Variants in MYRIP observed in about 807,000 individuals in gnomAD.
MYRIP encodes the protein rab effector MyRIP.
MYRIP carries 49 observed loss-of-function variants against 98.0 expected under a neutral mutation model. The ratio of observed to expected loss-of-function variants is 0.50; its 90% CI spans 0.40 to 0.63. The LOEUF is 0.63. MYRIP is among the 30% of genes least tolerant of loss of function. The pLI is 0.00. For synonymous variants in MYRIP, 404 were observed against 409.5 expected (o/e 0.99, Z 0.16); for missense variants, 1,004 against 1,058.2 (o/e 0.95, Z 0.71).
chr3:40,254,748 T>G (rs1304733992), intron 16 of MYRIP, among the ~76,000 whole-genome samples: 1 of 152,162 alleles, frequency 6.6e-6, no homozygotes, highest in Non-Finnish European at 1.5e-5. Context: ...CCAGATTTAT[T>G]TTCCTTTCAC....
At chr3:40,183,744 A>G (rs974858582) in intron 9 of MYRIP, among the ~76,000 whole-genome samples, 10 of 152,218 alleles carry the variant, frequency 6.6e-5, no homozygotes, top group Admixed American at 1.3e-4. Flanking sequence ...TTCTCATCCC[A>G]TGTCGTATCA....
intron 3 of MYRIP, among the ~76,000 whole-genome samples, chr3:40,136,111 C>T (rs539314041): frequency 9.7e-4 from 147 of 152,196 alleles, no homozygotes; most frequent in African/African-American, 3.4e-3. Context: ...GAGTCAAGAC[C>T]CATCAGTGTG....
intron 1 of MYRIP, among the ~76,000 whole-genome samples, chr3:39,846,609 A>G (rs1941973389): frequency 6.6e-6 from 1 of 152,188 alleles, no homozygotes; most frequent in Non-Finnish European, 1.5e-5. Context: ...CTATATAGCA[A>G]AACAAAAACT....
At chr3:40,256,405 TATA>T (rs959866695) in intron 16 of MYRIP, among the ~76,000 whole-genome samples, 13 of 152,232 alleles carry the variant, frequency 8.5e-5, no homozygotes, top group Admixed American at 6.5e-4. Flanking sequence ...GCGTCAAATT[TATA>T]ATATTAAATA....
intron 11 of MYRIP, among the ~76,000 whole-genome samples, chr3:40,221,607 GGT>G (rs971604973): frequency 3.3e-5 from 5 of 152,142 alleles, no homozygotes; most frequent in African/African-American, 1.2e-4. Context: ...CTCCACCTTG[GGT>G]GATAAAGTGA....
intron 2 of MYRIP, among the ~76,000 whole-genome samples, chr3:40,025,919 G>A (rs910743612): frequency 6.6e-6 from 1 of 152,118 alleles, no homozygotes; most frequent in Non-Finnish European, 1.5e-5. Flanking sequence ...TAGAATTACT[G>A]ATGAGGGTCT....
intron 1 of MYRIP, among the ~76,000 whole-genome samples, chr3:39,818,444 A>G (rs923390452): frequency 4.6e-5 from 7 of 152,118 alleles, no homozygotes; most frequent in African/African-American, 1.7e-4. Flanking sequence ...TTCATGGCCA[A>G]CTTCACTATA....
At chr3:40,188,822 C>T (rs1162015757) in intron 9 of MYRIP, among the ~76,000 whole-genome samples, 1 of 152,186 alleles carries the variant, frequency 6.6e-6, no homozygotes, top group East Asian at 1.9e-4. Context: ...TGCCTGAGAC[C>T]TCAGTCCTGG....
chr3:40,059,059 T>C (rs1310104166), intron 3 of MYRIP, among the ~76,000 whole-genome samples: 3 of 152,104 alleles, frequency 2.0e-5, no homozygotes, highest in East Asian at 3.9e-4. Context: ...TGTTTTAGTT[T>C]GCTGAGAATA....
intron 2 of MYRIP, among the ~76,000 whole-genome samples, chr3:40,006,479 T>C (rs1946638204): frequency 6.6e-6 from 1 of 152,160 alleles, no homozygotes; most frequent in South Asian, 2.1e-4. Flanking sequence ...CCAGATATGT[T>C]ATATTTAGGG....
At chr3:40,224,561 T>C (rs536006361) in intron 11 of MYRIP, among the ~76,000 whole-genome samples, 3 of 152,214 alleles carry the variant, frequency 2.0e-5, no homozygotes, top group African/African-American at 7.2e-5. Flanking sequence ...GGCCCTGATA[T>C]GGCCAACATC....
intron 11 of MYRIP, among the ~76,000 whole-genome samples, chr3:40,231,969 G>A (rs1257925616): frequency 6.6e-6 from 1 of 152,070 alleles, no homozygotes; most frequent in Non-Finnish European, 1.5e-5. Context: ...AAATTATTTT[G>A]AGCCCAATTT....
At chr3:39,900,690 C>T in intron 1 of MYRIP, 97 bp from the exon 2 acceptor site, 2 of 650,252 alleles carry the variant, frequency 3.1e-6, no homozygotes, top group Non-Finnish European at 5.3e-6. Context: ...TAAACACTTA[C>T]ATATAAACAC....
intron 2 of MYRIP, among the ~76,000 whole-genome samples, chr3:39,905,591 T>C (rs1160270653): frequency 6.6e-6 from 1 of 152,188 alleles, no homozygotes; most frequent in East Asian, 1.9e-4. Flanking sequence ...CTTTACCTCT[T>C]TACCTCCTTC....
At chr3:40,156,133 A>G (rs1201311753) in intron 4 of MYRIP, among the ~76,000 whole-genome samples, 29 of 151,696 alleles carry the variant, frequency 1.9e-4, no homozygotes, top group African/African-American at 6.3e-4. Context: ...TAGGTCTAAC[A>G]TTTAAGTCTT....
chr3:39,957,727 G>A (rs1181192403), intron 2 of MYRIP, among the ~76,000 whole-genome samples: 1 of 152,140 alleles, frequency 6.6e-6, no homozygotes, highest in Non-Finnish European at 1.5e-5. Flanking sequence ...TAGAAAAGGA[G>A]GAAGTCAAAT....
intron 5 of MYRIP, chr3:40,163,091 T>C (rs1170597775): frequency 3.3e-6 from 1 of 305,080 alleles, no homozygotes; most frequent in Non-Finnish European, 6.1e-6. Context: ...TTGGAACATA[T>C]CAATCAATCC....
At chr3:40,164,519 A>G (rs1378074251) in intron 5 of MYRIP, among the ~76,000 whole-genome samples, 1 of 152,188 alleles carries the variant, frequency 6.6e-6, no homozygotes, top group African/African-American at 2.4e-5. Flanking sequence ...GTGGAGGGCA[A>G]CCCTTACATG....
chr3:40,176,216 C>G (rs2125607067), intron 8 of MYRIP, among the ~76,000 whole-genome samples: 1 of 152,322 alleles, frequency 6.6e-6, no homozygotes, highest in East Asian at 1.9e-4. Flanking sequence ...TGAGGCTGCA[C>G]TGTTCAGTAT....
Sources: allele counts gnomAD v4.1 joint callset (sites outside exome capture counted in the v4.1 genomes callset), GRCh38; gene constraint gnomAD v4.1.1; transcripts MANE v1.5; gene names NCBI Gene and HGNC (gene_info 2026-07-23, HGNC 2026-07-21).